Variants in GLMN observed in about 807,000 individuals in gnomAD.
GLMN encodes glomulin.
GLMN carries 75 observed loss-of-function variants against 87.8 expected under a neutral mutation model. The observed-to-expected ratio is 0.85, with a 90% CI of 0.71 to 1.04. The LOEUF (loss-of-function observed/expected upper bound fraction) is 1.04, where lower values mean the gene tolerates loss of function less well. Ranked by LOEUF, GLMN falls within the 50% of genes least tolerant of loss-of-function variation. The probability of loss-of-function intolerance (pLI) is 0.00; values close to 1 mark genes in which losing one functional copy is unlikely to be tolerated. For synonymous variants in GLMN, 206 were observed against 221.6 expected (o/e 0.93, Z 0.63); for missense variants, 588 against 658.8 (o/e 0.89, Z 1.18).
At chr1:92,302,589 A>ATTTTTTTT (rs1557586485), upstream of GLMN, among the ~76,000 whole-genome samples, 1 of 92,266 alleles carries the variant, frequency 1.1e-5, no homozygotes. Flanking sequence ...TTCCGCATTA[A>ATTTTTTTT]ATTTTTTTTT....
the GLMN span, among the ~76,000 whole-genome samples, chr1:92,368,858 C>A: frequency 6.6e-6 from 1 of 152,144 alleles, no homozygotes; most frequent in Non-Finnish European, 1.5e-5. Flanking sequence ...TGACACTTGG[C>A]TTTTTGCTTT....
intron 16 of GLMN, among the ~76,000 whole-genome samples, chr1:92,258,177 G>C (rs182919761): frequency 1.1e-3 from 167 of 152,310 alleles, no homozygotes; most frequent in African/African-American, 3.8e-3. Flanking sequence ...GGTCATTAGA[G>C]AAATGCAAAT....
intron 16 of GLMN, among the ~76,000 whole-genome samples, chr1:92,253,470 T>G (rs963887184): frequency 6.6e-6 from 1 of 152,156 alleles, no homozygotes; most frequent in Non-Finnish European, 1.5e-5. Flanking sequence ...TGCTTCCTGA[T>G]AGGGAGACAC....
At chr1:92,302,180 G>A (rs1650898703), upstream of GLMN, among the ~76,000 whole-genome samples, 1 of 152,080 alleles carries the variant, frequency 6.6e-6, no homozygotes, top group African/African-American at 2.4e-5. Context: ...AGGAGGCTGA[G>A]GCATGAGAAT....
chr1:92,349,241 A>G, the GLMN span, among the ~76,000 whole-genome samples: 752 of 152,324 alleles, frequency 4.9e-3, no homozygotes, highest in African/African-American at 0.017. Flanking sequence ...AAGATTCTAA[A>G]TGGCAGTTGT....
At chr1:92,356,062 CTG>C in the GLMN span, among the ~76,000 whole-genome samples, 5 of 152,146 alleles carry the variant, frequency 3.3e-5, no homozygotes, top group Non-Finnish European at 5.9e-5. Flanking sequence ...TGTTTTAAAA[CTG>C]TTTTACTTAC....
the GLMN span, among the ~76,000 whole-genome samples, chr1:92,307,752 T>C: frequency 1.3e-5 from 2 of 151,856 alleles, no homozygotes; most frequent in African/African-American, 4.8e-5. Context: ...AAAGAGTTTA[T>C]GGGCAATGCT....
At chr1:92,276,692 T>C (rs1248815529) in intron 7 of GLMN, among the ~76,000 whole-genome samples, 1 of 152,144 alleles carries the variant, frequency 6.6e-6, no homozygotes, top group East Asian at 1.9e-4. Flanking sequence ...TAATAAAATC[T>C]TGTTAGGTGT....
chr1:92,266,777 AG>A, intron 11 of GLMN, 36 bp from the exon 12 acceptor site: 1 of 1,385,692 alleles, frequency 7.2e-7, no homozygotes, highest in East Asian at 2.3e-5. Flanking sequence ...AGATGTAAAC[AG>A]ATTATACTGA....
At chr1:92,265,984 T>C (rs559714144) in intron 13 of GLMN, among the ~76,000 whole-genome samples, 4 of 152,194 alleles carry the variant, frequency 2.6e-5, no homozygotes, top group Non-Finnish European at 5.9e-5. Flanking sequence ...GTTGCTAGAA[T>C]CTTATCCACC....
intron 6 of GLMN, among the ~76,000 whole-genome samples, chr1:92,287,062 G>A (rs1031774148): frequency 1.3e-5 from 2 of 152,138 alleles, no homozygotes; most frequent in Admixed American, 6.5e-5. Context: ...AACGTCGTTC[G>A]TACTAGTAAT....
the GLMN span, among the ~76,000 whole-genome samples, chr1:92,328,342 G>A: frequency 2.6e-5 from 4 of 152,126 alleles, no homozygotes; most frequent in Non-Finnish European, 5.9e-5. Context: ...TGGAGCCTTT[G>A]TTCATTTTTT....
intron 16 of GLMN, among the ~76,000 whole-genome samples, chr1:92,253,807 C>T (rs1413073296): frequency 2.6e-5 from 4 of 152,126 alleles, no homozygotes; most frequent in East Asian, 1.9e-4. Context: ...TCCACGAAGA[C>T]GAGGAAAAAG....
At chr1:92,352,420 G>GT in the GLMN span, among the ~76,000 whole-genome samples, 1 of 148,420 alleles carries the variant, frequency 6.7e-6, no homozygotes, top group African/African-American at 2.5e-5. Context: ...ATGGAAAGAT[G>GT]TGAGTAAGGC....
chr1:92,247,922 T>C lies in GLMN; in HGVS notation c.1541A>G (p.Asn514Ser), dbSNP rs766022940. ...TGCTTCATAATGTGCTTTTGACATATTAAGTCCTATATGAAGTGGCTTTAA... is the reference window on the plus strand; with the variant it reads ...TGCTTCATAATGTGCTTTTGACATACTAAGTCCTATATGAAGTGGCTTTAA... ...NFLKPLHIGL[N>S]MSKAHYEAEI... is the part of the protein sequence containing the mutation. The change falls in exon 17 of 19, where the codon AAT (asparagine) becomes AGT (serine). Residue 514 changes from asparagine to serine, a missense_variant. Asn to Ser is a conservative substitution (Grantham distance 46). Coordinates refer to ENST00000370360, the MANE Select transcript of GLMN (RefSeq NM_053274.3). 6 of 1,415,688 alleles carry C rather than the reference T, an allele frequency of 4.2e-6. No homozygotes were observed. Among genetic ancestry groups the C allele is most frequent in the Non-Finnish European group, 6.0e-6 (6 of 1,000,434 alleles). The allele number at this position is 1,415,688 out of a possible 1,614,324, so 87.7% of individuals were successfully genotyped here. A position where few individuals can be genotyped will look rare whatever the true frequency, so the allele number is the denominator to read the frequency against.
At chr1:92,344,741 C>T in the GLMN span, among the ~76,000 whole-genome samples, 1 of 152,136 alleles carries the variant, frequency 6.6e-6, no homozygotes, top group Non-Finnish European at 1.5e-5. Flanking sequence ...CCATCCTCAC[C>T]AACCCTTGGT....
At position 92,267,919 on chromosome 1, in the gene GLMN, T is replaced by A. The variant is rs1162958256; in HGVS notation, c.1092A>T (p.Val364=). ...QYLEIKSFLT[V]PQGLVKVMTL... ...GAATACATATTTTATTTACCTGAGG[T>A]ACAGTAAGAAAACTCTTGATTTCTA... is the stretch of plus-strand genomic sequence containing the variant. Residue 364 remains valine, a synonymous_variant, in exon 11 of 19, where the codon GTA becomes GTT. Transcript: ENST00000370360. 4 of 1,356,828 alleles carry A rather than the reference T, an allele frequency of 2.9e-6. No homozygotes were observed. The South Asian group carries it at 4.7e-5, about 16-fold the overall frequency. 84.0% of individuals were successfully genotyped at this position (1,356,828 alleles called of 1,614,324 possible).
Position 92,252,801 on chromosome 1 carries a change from TATA to T in GLMN, c.1474-4815_1474-4813del, listed in dbSNP as rs1419173251. Among the ~76,000 whole-genome samples, 6 of 152,344 alleles carry T rather than the reference TATA, an allele frequency of 3.9e-5. No homozygotes were observed. In the East Asian group the frequency reaches 1.2e-3, roughly 29 times the overall value. On this transcript the variant is annotated intron_variant, in intron 16 of 18. Transcript: ENST00000370360. ...AGTAAATTAAGAGTTTTAAAATAGTTATAATTAAAAATTTGAAATGTTCACAAA... is the reference window on the plus strand; with the variant it reads ...AGTAAATTAAGAGTTTTAAAATAGTTATTAAAAATTTGAAATGTTCACAAA...
upstream of GLMN, chr1:92,301,614 T>C (rs1195294572): frequency 2.9e-6 from 3 of 1,029,416 alleles, no homozygotes; most frequent in African/African-American, 1.7e-5. Context: ...TGACAAATTA[T>C]TAGTTTTGTA....
Sources: gnomAD v4.1 joint callset for allele counts (sites outside exome capture counted in the v4.1 genomes callset) on GRCh38, gnomAD v4.1.1 for gene constraint, MANE v1.5 for transcripts, NCBI Gene and HGNC (gene_info 2026-07-23, HGNC 2026-07-21) for gene names.